The following RCOR1 variants were observed in gnomAD, a reference collection of about 807,000 sequenced individuals.
The protein encoded by RCOR1 is REST corepressor 1, also known as REST corepressor.
In RCOR1, 12 loss-of-function variants were observed where a neutral mutation model predicts 64.0. The ratio of observed to expected loss-of-function variants is 0.19; its 90% CI spans 0.12 to 0.30. RCOR1 has a LOEUF of 0.30. Ranked by LOEUF, RCOR1 falls within the 10% of genes least tolerant of loss-of-function variation. The pLI, the probability that RCOR1 is intolerant of heterozygous loss-of-function variation, is 1.00. For synonymous variants in RCOR1, 279 were observed against 227.2 expected, an observed-to-expected ratio of 1.23 and a Z score of -2.05; for missense variants, 502 against 621.2, an observed-to-expected ratio of 0.81 and a Z score of 2.04.
At chr14:102,711,042 C>G (rs770415569) in intron 7 of RCOR1, 29 bp downstream of exon 7, 1 of 1,420,860 alleles carries the variant, frequency 7.0e-7, no homozygotes, top group Non-Finnish European at 9.7e-7. Flanking sequence ...ATTGTTTAGG[C>G]GAATAAATTT....
intron 2 of RCOR1, among the ~76,000 whole-genome samples, chr14:102,617,192 G>GT (rs1209479725): frequency 6.6e-6 from 1 of 152,144 alleles, no homozygotes; most frequent in African/African-American, 2.4e-5. Context: ...AATGCATGCA[G>GT]TTTTTTACCT....
chr14:102,655,191 A>T, intron 2 of RCOR1: 1 of 927,300 alleles, frequency 1.1e-6, no homozygotes, highest in Non-Finnish European at 1.3e-6. Context: ...GTACAAAATT[A>T]AAAGATGCAA....
At chr14:102,623,731 A>T (rs575479041) in intron 2 of RCOR1, among the ~76,000 whole-genome samples, 37 of 150,730 alleles carry the variant, frequency 2.5e-4, no homozygotes, top group African/African-American at 7.3e-4. Flanking sequence ...TATTAATCTC[A>T]TGTTGACTTG....
chr14:102,667,021 G>A (rs1419174752), intron 2 of RCOR1, among the ~76,000 whole-genome samples: 2 of 152,124 alleles, frequency 1.3e-5, no homozygotes, highest in East Asian at 1.9e-4. Context: ...GACTTTTAAC[G>A]TGGAAAGTGA....
intron 2 of RCOR1, chr14:102,659,305 A>G: frequency 1.0e-6 from 1 of 980,626 alleles, no homozygotes; most frequent in Non-Finnish European, 1.2e-6. Flanking sequence ...TCTGATCAGC[A>G]TTTATAAATA....
intron 2 of RCOR1, among the ~76,000 whole-genome samples, chr14:102,619,146 A>C (rs1046176457): frequency 1.3e-5 from 2 of 148,336 alleles, no homozygotes; most frequent in African/African-American, 5.2e-5. Flanking sequence ...TTTGAGACGG[A>C]GTTTCGCTCT....
intron 2 of RCOR1, among the ~76,000 whole-genome samples, chr14:102,672,215 A>AT (rs763095092): frequency 1.1e-3 from 171 of 151,460 alleles, no homozygotes; most frequent in South Asian, 2.3e-3. Flanking sequence ...TTATATGATA[A>AT]TTTTTTTTCT....
At chr14:102,619,291 T>C (rs1179043247) in intron 2 of RCOR1, among the ~76,000 whole-genome samples, 1 of 152,118 alleles carries the variant, frequency 6.6e-6, no homozygotes, top group Non-Finnish European at 1.5e-5. Flanking sequence ...CAGCTAACTT[T>C]TTATTTTTAG....
intron 2 of RCOR1, among the ~76,000 whole-genome samples, chr14:102,617,261 A>G (rs1893780217): frequency 6.6e-6 from 1 of 152,220 alleles, no homozygotes; most frequent in African/African-American, 2.4e-5. Context: ...AAGAACATGT[A>G]TGAAATTGCA....
At chr14:102,628,171 T>C (rs745555609) in intron 2 of RCOR1, among the ~76,000 whole-genome samples, 31 of 152,168 alleles carry the variant, frequency 2.0e-4, no homozygotes, top group Non-Finnish European at 4.3e-4. Flanking sequence ...CTTTTTGTTC[T>C]CTTCAGGCTT....
intron 2 of RCOR1, among the ~76,000 whole-genome samples, chr14:102,644,775 T>C (rs1296725729): frequency 1.3e-5 from 2 of 152,214 alleles, no homozygotes; most frequent in African/African-American, 2.4e-5. Context: ...GGAGGCACAG[T>C]AGTTTCTCAT....
At position 102,707,633 on chromosome 14, in the gene RCOR1, C is replaced by A. The variant is rs971010735; in HGVS notation, c.660+121C>A. 79 of 888,096 alleles carry A rather than the reference C, an allele frequency of 8.9e-5. 3 individuals are homozygous for A. In the South Asian group the frequency reaches 1.4e-3, roughly 16 times the overall value. 55.0% of individuals were successfully genotyped at this position (888,096 alleles called of 1,614,324 possible). A position where few individuals can be genotyped will look rare whatever the true frequency, so the allele number is the denominator to read the frequency against. ...TATTCCCATTTTTGATAAAGTTCCC[C>A]TTTAGATTCAGCTTAGTACATGCTG... On this transcript the variant is annotated intron_variant, in intron 5 of 11. Transcript: ENST00000262241.
intron 3 of RCOR1, among the ~76,000 whole-genome samples, chr14:102,692,704 A>G (rs951151591): frequency 4.9e-5 from 6 of 121,778 alleles, no homozygotes; most frequent in Admixed American, 2.5e-4. Context: ...TTATTCAACT[A>G]CATCTCTCCT....
intron 3 of RCOR1, among the ~76,000 whole-genome samples, chr14:102,687,097 A>G (rs982530989): frequency 7.2e-5 from 11 of 152,320 alleles, no homozygotes; most frequent in African/African-American, 2.6e-4. Flanking sequence ...GTGTTTATCT[A>G]CTGAGTTTTC....
chr14:102,609,586 T>C lies in RCOR1; in HGVS notation c.361+16261T>C, dbSNP rs571545315. 2.6e-5 allele frequency among the ~76,000 whole-genome samples: 4 copies of C among 151,988 alleles called. No individual in the cohort carries two copies. The South Asian group carries it at 8.3e-4, about 32-fold the overall frequency. ...TCCTGAGAAGATGGGATTGTAAGCATGTACCACCAAGTGTGGCTAATTTTT... is the reference window on the plus strand; with the variant it reads ...TCCTGAGAAGATGGGATTGTAAGCACGTACCACCAAGTGTGGCTAATTTTT... On this transcript the variant is annotated intron_variant, in intron 2 of 11. Coordinates refer to ENST00000262241, the MANE Select transcript of RCOR1 (RefSeq NM_015156.4).
intron 3 of RCOR1, among the ~76,000 whole-genome samples, chr14:102,690,036 C>T (rs1255221965): frequency 6.7e-6 from 1 of 150,058 alleles, no homozygotes; most frequent in Non-Finnish European, 1.5e-5. Flanking sequence ...AGTCACCGCG[C>T]CCGGCCTGAT....
At chr14:102,680,150 T>G (rs369611640) in intron 2 of RCOR1, among the ~76,000 whole-genome samples, 13 of 152,296 alleles carry the variant, frequency 8.5e-5, no homozygotes, top group Admixed American at 5.9e-4. Flanking sequence ...TTGATGCTAA[T>G]GATCTTTAAT....
At chr14:102,598,660 G>C (rs958898137) in intron 2 of RCOR1, among the ~76,000 whole-genome samples, 1 of 151,686 alleles carries the variant, frequency 6.6e-6, no homozygotes, top group Non-Finnish European at 1.5e-5. Context: ...ATGTTAGCCA[G>C]GATGGTCTCA....
In RCOR1 at chr14:102,714,412, A is replaced by G. The variant is rs761792968; in HGVS notation, c.859-11A>G. ...TTTAAGTTTCATTCATCACCTGTGT[A>G]TATCATGCAGGTTCCCCCTACTGAG... On this transcript the variant is annotated splice_polypyrimidine_tract_variant and intron_variant, in intron 7 of 11. Coordinates refer to ENST00000262241, the MANE Select transcript of RCOR1 (RefSeq NM_015156.4). 1.9e-6 allele frequency: 3 copies of G among 1,576,168 alleles called. No homozygotes were observed. Among genetic ancestry groups the G allele is most frequent in the South Asian group, 2.3e-5 (2 of 87,594 alleles).
Sources: allele counts gnomAD v4.1 joint callset (sites outside exome capture counted in the v4.1 genomes callset), GRCh38; gene constraint gnomAD v4.1.1; transcripts MANE v1.5; gene names NCBI Gene and HGNC (gene_info 2026-07-23, HGNC 2026-07-21).